The following STARD3 variants were observed in gnomAD, a reference collection of about 807,000 sequenced individuals.
The protein encoded by STARD3 is stAR-related lipid transfer protein 3.
A neutral mutation model predicts 62.0 loss-of-function variants in STARD3; 39 were observed. The observed-to-expected ratio is 0.63, with a 90% CI of 0.49 to 0.82. The LOEUF (loss-of-function observed/expected upper bound fraction) is 0.82. STARD3 is among the 40% of genes least tolerant of loss of function. The pLI, the probability that STARD3 is intolerant of heterozygous loss-of-function variation, is 0.00. For synonymous variants in STARD3, 229 were observed against 242.4 expected (o/e 0.94, Z 0.51); for missense variants, 543 against 584.5 (o/e 0.93, Z 0.73).
Position 39,663,997 on chromosome 17 carries a change from C to T in STARD3, c.*1089C>T, listed in dbSNP as rs1279677050. 6.6e-6 allele frequency among the ~76,000 whole-genome samples: 1 copy of T among 152,210 alleles called. No homozygotes were observed. The highest frequency in any genetic ancestry group is 1.5e-5 in the Non-Finnish European group (1 of 68,040). On this transcript the variant is annotated 3_prime_UTR_variant, in exon 15 of 15. Transcript: ENST00000336308. ...AGGCCACTGCCTGCCTTCCTCCTCC[C>T]TCCCGGCTGGCCTGCCCCCTTGCCT...
At chr17:39,654,167 ATCATTCATTCATTCAT>A (rs3029514) in intron 2 of STARD3, among the ~76,000 whole-genome samples, 1 of 151,292 alleles carries the variant, frequency 6.6e-6, no homozygotes, top group Non-Finnish European at 1.5e-5. Flanking sequence ...CGTTTGTTCG[ATCATTCATTCATTCAT>A]TCATTCATTC....
rs1467505617 is a variant in STARD3, at chr17:39,658,387, AG to A, written c.430-17del. 2 of 1,608,746 alleles carry A rather than the reference AG, an allele frequency of 1.2e-6. No homozygotes were observed. The highest frequency in any genetic ancestry group is 3.3e-5 in the Admixed American group (2 of 59,786). On this transcript the variant is annotated splice_polypyrimidine_tract_variant and intron_variant, in intron 5 of 14. Coordinates refer to ENST00000336308, the MANE Select transcript of STARD3 (RefSeq NM_006804.4). ...TGGGGTGACCCCTGCCATGGAGCTCAGCCCCCTCCCTTCACAGCTGCTCAGC... is the reference window on the plus strand; with the variant it reads ...TGGGGTGACCCCTGCCATGGAGCTCACCCCCTCCCTTCACAGCTGCTCAGC...
intron 1 of STARD3, among the ~76,000 whole-genome samples, chr17:39,647,540 C>T (rs927739300): frequency 6.6e-6 from 1 of 152,176 alleles, no homozygotes; most frequent in Non-Finnish European, 1.5e-5. Flanking sequence ...GCTAGGCAGC[C>T]TACAGTCAGC....
chr17:39,659,331 C>G (rs896396433), intron 8 of STARD3, 130 bp from the exon 9 acceptor site: 21 of 1,039,792 alleles, frequency 2.0e-5, no homozygotes, highest in Non-Finnish European at 2.8e-5. Context: ...GGAGACCAGC[C>G]CAGATCCCAC....
In STARD3 at chr17:39,653,768, G is replaced by C; in HGVS notation, c.219+18G>C. ...AACTGAATGTGAGTGGGGGCGAGGT[G>C]GGGGCACAGGCCATGTTGCAGGCCA... On this transcript the variant is annotated intron_variant, in intron 2 of 14. Transcript: ENST00000336308. The C allele has an allele frequency of 6.2e-7, 1 of 1,613,410 alleles. No homozygotes were observed. Among genetic ancestry groups the C allele is most frequent in the Non-Finnish European group, 8.5e-7 (1 of 1,179,876 alleles).
At chr17:39,658,263 T>C in intron 5 of STARD3, 142 bp from the exon 6 acceptor site, 1 of 861,008 alleles carries the variant, frequency 1.2e-6, no homozygotes. Context: ...TTTATCCTGC[T>C]GCAGACTTGA....
chr17:39,658,134 T>C, intron 5 of STARD3, 108 bp downstream of exon 5: 1 of 1,265,562 alleles, frequency 7.9e-7, no homozygotes, highest in African/African-American at 1.5e-5. Flanking sequence ...TTGTCCGGGT[T>C]AGGGGGAGAG....
At chr17:39,654,226 T>TC (rs1181635190) in intron 2 of STARD3, among the ~76,000 whole-genome samples, 2 of 152,176 alleles carry the variant, frequency 1.3e-5, no homozygotes, top group Non-Finnish European at 2.9e-5. Flanking sequence ...CTCTGCTGTG[T>TC]CCCAACCACT....
intron 1 of STARD3, among the ~76,000 whole-genome samples, chr17:39,645,110 G>A (rs908390769): frequency 6.6e-6 from 1 of 152,186 alleles, no homozygotes; most frequent in Non-Finnish European, 1.5e-5. Flanking sequence ...GCGGGAAGGG[G>A]CAGCCGATGC....
At position 39,663,008 on chromosome 17, in the gene STARD3, C is replaced by T. The variant is rs758869145; in HGVS notation, c.*100C>T. ...CTCGCACTGCCCACATGGGACCTGG[C>T]CCCAGGCTGTCACCCTCCACCGAGC... On this transcript the variant is annotated 3_prime_UTR_variant, in exon 15 of 15. Transcript: ENST00000336308. 1 of 1,188,644 alleles carries T rather than the reference C, an allele frequency of 8.4e-7. No homozygotes were observed. Among genetic ancestry groups the T allele is most frequent in the Non-Finnish European group, 1.2e-6 (1 of 858,944 alleles). The allele number at this position is 1,188,644 out of a possible 1,614,324, so 73.6% of individuals were successfully genotyped here.
chr17:39,661,651 C>T (rs1438894701), intron 13 of STARD3, among the ~76,000 whole-genome samples: 1 of 152,230 alleles, frequency 6.6e-6, no homozygotes, highest in Admixed American at 6.5e-5. Flanking sequence ...CACTCTTCCC[C>T]ATCCCCTCCT....
intron 2 of STARD3, among the ~76,000 whole-genome samples, chr17:39,655,284 C>G (rs1245763575): frequency 1.3e-5 from 2 of 152,128 alleles, no homozygotes; most frequent in Non-Finnish European, 2.9e-5. Context: ...CTCCTAGATT[C>G]AAGGGTTCCT....
chr17:39,641,893 AG>A (rs1316312259), intron 1 of STARD3, among the ~76,000 whole-genome samples: 1 of 152,178 alleles, frequency 6.6e-6, no homozygotes, highest in Non-Finnish European at 1.5e-5. Context: ...TATCATGGCC[AG>A]GCACTGTGAC....
At chr17:39,662,770 C>A (rs1289080866) in intron 14 of STARD3, 34 bp from the exon 15 acceptor site, 2 of 1,578,008 alleles carry the variant, frequency 1.3e-6, no homozygotes, top group African/African-American at 1.4e-5. Context: ...TGAGGGCAGG[C>A]CATCAAGTGT....
chr17:39,653,277 AAGG>A (rs1460428479), intron 1 of STARD3: 4 of 569,798 alleles, frequency 7.0e-6, no homozygotes, highest in African/African-American at 1.9e-5. Context: ...GAGCACCAGG[AAGG>A]AGGACAGATA....
chr17:39,647,390 A>T (rs1427929544), intron 1 of STARD3, among the ~76,000 whole-genome samples: 1 of 151,944 alleles, frequency 6.6e-6, no homozygotes, highest in Non-Finnish European at 1.5e-5. Flanking sequence ...AGTCACAGCA[A>T]CCAGTGGGCT....
Position 39,662,286 on chromosome 17 carries a change from A to G in STARD3, c.1175A>G (p.Lys392Arg). 2 of 1,614,022 alleles carry G rather than the reference A, an allele frequency of 1.2e-6. No homozygotes were observed. Among genetic ancestry groups the G allele is most frequent in the Non-Finnish European group, 1.7e-6 (2 of 1,179,974 alleles). The change falls in exon 14 of 15, where the codon AAG (lysine) becomes AGG (arginine). Residue 392 changes from lysine (K) to arginine (R), a missense_variant. Coordinates refer to ENST00000336308, the MANE Select transcript of STARD3 (RefSeq NM_006804.4). ...ENGPGGFIVL[K>R]SASNPRVCTF... ...GGCCCTGGGGGCTTCATCGTGCTCA[A>G]GTCGGCCAGTAACCCCCGTGTTTGC... is the stretch of plus-strand genomic sequence containing the variant.
Position 39,658,475 on chromosome 17 carries a change from G to C in STARD3, c.500G>C (p.Trp167Ser). ...TTTGTCCTCGCCTGGTTGGAGACCT[G>C]GTTCCTTGACTTCAAAGTCCTACCC... ...VSFVLAWLET[W>S]FLDFKVLPQE... Residue 167 changes from tryptophan to serine, a missense_variant, in exon 6 of 15, where the codon TGG (tryptophan) becomes TCG (serine). Trp to Ser is a radical substitution (Grantham distance 177, BLOSUM62 -3). Coordinates refer to ENST00000336308, the MANE Select transcript of STARD3 (RefSeq NM_006804.4). 6.2e-7 allele frequency: 1 copy of C among 1,614,148 alleles called. No individual in the cohort carries two copies. Among genetic ancestry groups the C allele is most frequent in the Non-Finnish European group, 8.5e-7 (1 of 1,180,010 alleles).
intron 1 of STARD3, among the ~76,000 whole-genome samples, chr17:39,644,367 T>C (rs2057006289): frequency 6.6e-6 from 1 of 152,120 alleles, no homozygotes; most frequent in Admixed American, 6.5e-5. Flanking sequence ...AGTTAATGTC[T>C]ATGTGGTTAG....
Sources: allele counts gnomAD v4.1 joint callset (sites outside exome capture counted in the v4.1 genomes callset), GRCh38; gene constraint gnomAD v4.1.1; transcripts MANE v1.5; gene names NCBI Gene and HGNC (gene_info 2026-07-23, HGNC 2026-07-21).